The following TAFA4 variants were observed in gnomAD, a reference collection of about 807,000 sequenced individuals.
TAFA4 encodes chemokine-like protein TAFA-4.
Under a neutral mutation model 21.1 loss-of-function variants are expected in TAFA4, and 20 were observed. The observed-to-expected ratio is 0.95, with a 90% CI of 0.67 to 1.38. TAFA4 has a LOEUF of 1.38. TAFA4 is among the 40% of genes most tolerant of loss of function. The pLI, the probability that TAFA4 is intolerant of heterozygous loss-of-function variation, is 0.00. For synonymous variants in TAFA4, 71 were observed against 67.4 expected, an observed-to-expected ratio of 1.05 and a Z score of -0.26; for missense variants, 211 against 180.9, an observed-to-expected ratio of 1.17 and a Z score of -0.95.
chr3:68,854,833 GA>G (rs1559544180), intron 3 of TAFA4, among the ~76,000 whole-genome samples: 1 of 151,826 alleles, frequency 6.6e-6, no homozygotes, highest in Non-Finnish European at 1.5e-5. Context: ...TACGCTTCTG[GA>G]AAACAGACTT....
At chr3:68,752,387 A>T (rs1702571436) in intron 4 of TAFA4, among the ~76,000 whole-genome samples, 1 of 152,230 alleles carries the variant, frequency 6.6e-6, no homozygotes, top group South Asian at 2.1e-4. Context: ...TGAACGATAC[A>T]TGATTCCAAA....
At chr3:68,747,245 T>TTCTC (rs138372647) in intron 4 of TAFA4, among the ~76,000 whole-genome samples, 7 of 151,202 alleles carry the variant, frequency 4.6e-5, no homozygotes, top group South Asian at 2.1e-4. Flanking sequence ...CTTGTGAGTT[T>TTCTC]TCTCTCTCTC....
At chr3:68,871,461 G>C (rs1430293664) in intron 3 of TAFA4, among the ~76,000 whole-genome samples, 1 of 152,078 alleles carries the variant, frequency 6.6e-6, no homozygotes, top group African/African-American at 2.4e-5. Flanking sequence ...TCTAACACCT[G>C]AAACTATGAA....
At chr3:68,917,038 C>G (rs143144304) in intron 1 of TAFA4, among the ~76,000 whole-genome samples, 3 of 152,144 alleles carry the variant, frequency 2.0e-5, no homozygotes, top group African/African-American at 7.2e-5. Flanking sequence ...ATGTGACGTA[C>G]GTAGCTAGCA....
chr3:68,901,726 CCTCT>C (rs938077970), intron 1 of TAFA4, among the ~76,000 whole-genome samples: 4 of 152,028 alleles, frequency 2.6e-5, no homozygotes, highest in East Asian at 1.9e-4. Flanking sequence ...AAGGATAAGC[CCTCT>C]CTATTTGTAA....
intron 3 of TAFA4, among the ~76,000 whole-genome samples, chr3:68,835,243 C>G (rs761994101): frequency 6.6e-6 from 1 of 152,172 alleles, no homozygotes; most frequent in Non-Finnish European, 1.5e-5. Flanking sequence ...CTTGCTCCCT[C>G]AATTCCTTGA....
intron 3 of TAFA4, among the ~76,000 whole-genome samples, chr3:68,849,898 C>G (rs1174159375): frequency 1.3e-5 from 2 of 152,112 alleles, no homozygotes; most frequent in Admixed American, 6.6e-5. Context: ...TTCAGTCCTT[C>G]GAAGGATTTT....
intron 3 of TAFA4, among the ~76,000 whole-genome samples, chr3:68,805,266 A>G (rs1300166923): frequency 6.6e-6 from 1 of 152,188 alleles, no homozygotes; most frequent in East Asian, 1.9e-4. Context: ...ACCATCTCAC[A>G]CCAGTTAGAA....
intron 1 of TAFA4, among the ~76,000 whole-genome samples, chr3:68,891,627 C>G: frequency 6.6e-6 from 1 of 152,132 alleles, no homozygotes; most frequent in East Asian, 1.9e-4. Flanking sequence ...TTTTTCCACA[C>G]TAATTTCCAC....
chr3:68,758,099 G>T (rs975036279), intron 3 of TAFA4, among the ~76,000 whole-genome samples: 1 of 152,182 alleles, frequency 6.6e-6, no homozygotes. Flanking sequence ...ATGAAGGAAA[G>T]GTTCCCCTCT....
chr3:68,909,964 G>C (rs7651601), intron 1 of TAFA4, among the ~76,000 whole-genome samples: 146,276 of 152,154 alleles, frequency 0.96, 70,588 homozygotes, highest in East Asian at 1. Flanking sequence ...GCAGTATTCA[G>C]TCCTTCATCC....
intron 1 of TAFA4, among the ~76,000 whole-genome samples, chr3:68,916,457 T>C (rs2090006109): frequency 6.6e-6 from 1 of 152,178 alleles, no homozygotes; most frequent in Admixed American, 6.5e-5. Flanking sequence ...TCCTTTCCCA[T>C]CACTCGGATT....
intron 3 of TAFA4, among the ~76,000 whole-genome samples, chr3:68,759,735 T>C (rs1702726375): frequency 6.6e-6 from 1 of 152,204 alleles, no homozygotes; most frequent in Non-Finnish European, 1.5e-5. Context: ...GAAGTGTGAA[T>C]TGGAGCAGGC....
At chr3:68,929,369 T>C (rs112812945) in intron 1 of TAFA4, among the ~76,000 whole-genome samples, 1 of 152,222 alleles carries the variant, frequency 6.6e-6, no homozygotes. Flanking sequence ...GAATCGTGAA[T>C]CTTGTTTCCT....
chr3:68,868,849 A>G (rs2089449505), intron 3 of TAFA4, among the ~76,000 whole-genome samples: 1 of 151,988 alleles, frequency 6.6e-6, no homozygotes, highest in East Asian at 1.9e-4. Context: ...AACCAACCAA[A>G]TCCAAAATTA....
intron 3 of TAFA4, among the ~76,000 whole-genome samples, chr3:68,866,036 AT>A (rs1425947598): frequency 6.6e-6 from 1 of 152,130 alleles, no homozygotes; most frequent in Non-Finnish European, 1.5e-5. Context: ...CAGGGAAACT[AT>A]TCCTGCTTCA....
intron 1 of TAFA4, among the ~76,000 whole-genome samples, chr3:68,919,762 G>C (rs2090040550): frequency 6.6e-6 from 1 of 152,148 alleles, no homozygotes; most frequent in Non-Finnish European, 1.5e-5. Flanking sequence ...TCTACTTACA[G>C]ATTTTATTGA....
At chr3:68,869,824 C>CT in intron 3 of TAFA4, among the ~76,000 whole-genome samples, 1 of 151,998 alleles carries the variant, frequency 6.6e-6, no homozygotes, top group East Asian at 1.9e-4. Context: ...AAATTTACCA[C>CT]TTTTTTTCAA....
intron 3 of TAFA4, among the ~76,000 whole-genome samples, chr3:68,815,921 T>C (rs139053112): frequency 6.6e-6 from 1 of 152,078 alleles, no homozygotes; most frequent in African/African-American, 2.4e-5. Context: ...AACCCAAATG[T>C]CCAACAATGA....
Sources: gnomAD v4.1 joint callset for allele counts (sites outside exome capture counted in the v4.1 genomes callset) on GRCh38, gnomAD v4.1.1 for gene constraint, MANE v1.5 for transcripts, NCBI Gene and HGNC (gene_info 2026-07-23, HGNC 2026-07-21) for gene names.